Variants in PCNX1 observed in about 807,000 individuals in gnomAD.
PCNX1 encodes the protein pecanex 1.
In PCNX1, 78 loss-of-function variants were observed where a neutral mutation model predicts 242.2. That is an observed-to-expected ratio of 0.32 (90% CI 0.27 to 0.39). The LOEUF (loss-of-function observed/expected upper bound fraction) is 0.39, where lower values mean the gene tolerates loss of function less well. PCNX1 is among the 10% of genes least tolerant of loss of function. The probability of loss-of-function intolerance (pLI) is 1.00; values close to 1 mark genes in which losing one functional copy is unlikely to be tolerated. For missense variants in PCNX1, 2,581 were observed against 2,856.5 expected (o/e 0.90, Z 2.20); for synonymous variants, 1,024 against 1,032.9 (o/e 0.99, Z 0.17).
intron 20 of PCNX1, among the ~76,000 whole-genome samples, chr14:71,046,371 A>G (rs1189957719): frequency 6.6e-6 from 1 of 152,062 alleles, no homozygotes; most frequent in Non-Finnish European, 1.5e-5. Context: ...GAATCAGCAT[A>G]TCATTTTGAC....
chr14:70,952,530 T>C (rs1275044372), intron 2 of PCNX1, among the ~76,000 whole-genome samples: 3 of 152,218 alleles, frequency 2.0e-5, no homozygotes, highest in Non-Finnish European at 4.4e-5. Context: ...TATTTTTGTC[T>C]GCTTTAGGAC....
chr14:71,034,174 T>C (rs2060467966), intron 18 of PCNX1, 138 bp downstream of exon 18: 2 of 565,654 alleles, frequency 3.5e-6, no homozygotes, highest in Non-Finnish European at 6.3e-6. Flanking sequence ...AGTTGTACAT[T>C]GTTGATTGTC....
At position 70,910,568 on chromosome 14, in the gene PCNX1, G is replaced by T. The variant is rs371731840; in HGVS notation, c.153+2565G>T. Reference sequence around the variant, plus strand: ...TACCTGTGTGGCTGCTCCACTTTTTGCAGGTTCTCATATACGTGAGGCTTT... The same window carrying T: ...TACCTGTGTGGCTGCTCCACTTTTTTCAGGTTCTCATATACGTGAGGCTTT... On this transcript the variant is annotated intron_variant, in intron 1 of 35. Coordinates refer to ENST00000304743, the MANE Select transcript of PCNX1 (RefSeq NM_014982.3). Among the ~76,000 whole-genome samples, 538 of 152,190 alleles carry T rather than the reference G, an allele frequency of 3.5e-3. 1 individual carries two copies. The highest frequency in any genetic ancestry group is 0.013 in the African/African-American group (522 of 41,520).
chr14:70,956,503 G>C (rs570471180), intron 2 of PCNX1, among the ~76,000 whole-genome samples: 30 of 152,244 alleles, frequency 2.0e-4, no homozygotes, highest in Admixed American at 4.6e-4. Context: ...AGGCTGCAGT[G>C]AGCTATGATT....
At chr14:71,010,638 ATC>A (rs2059797740) in intron 9 of PCNX1, among the ~76,000 whole-genome samples, 1 of 151,984 alleles carries the variant, frequency 6.6e-6, no homozygotes, top group East Asian at 1.9e-4. Context: ...TAAAATTTTG[ATC>A]TTATTGCTTA....
intron 1 of PCNX1, among the ~76,000 whole-genome samples, chr14:70,910,502 G>T (rs1002572531): frequency 2.0e-5 from 3 of 151,756 alleles, no homozygotes; most frequent in Non-Finnish European, 4.4e-5. Context: ...GCGCCTTTGT[G>T]CTTGCTTTTC....
chr14:71,079,725 T>G (rs563522094), intron 28 of PCNX1, among the ~76,000 whole-genome samples: 1 of 150,096 alleles, frequency 6.7e-6, no homozygotes, highest in Non-Finnish European at 1.5e-5. Context: ...TTGGATCGGG[T>G]TTTTTTTTCT....
At chr14:70,971,981 T>C (rs1336412804) in intron 5 of PCNX1, among the ~76,000 whole-genome samples, 1 of 152,208 alleles carries the variant, frequency 6.6e-6, no homozygotes, top group Non-Finnish European at 1.5e-5. Context: ...GTGGAATCAC[T>C]CCGGCTCCTA....
intron 26 of PCNX1, among the ~76,000 whole-genome samples, chr14:71,065,243 A>G (rs2061418907): frequency 6.6e-6 from 1 of 152,202 alleles, no homozygotes; most frequent in African/African-American, 2.4e-5. Context: ...CAACAGTGTA[A>G]AAGCATTCTG....
intron 12 of PCNX1, among the ~76,000 whole-genome samples, chr14:71,022,806 T>A (rs891974940): frequency 2.0e-5 from 3 of 152,150 alleles, no homozygotes; most frequent in Non-Finnish European, 4.4e-5. Context: ...AGTGAACCCC[T>A]ATTATTGTAT....
intron 20 of PCNX1, among the ~76,000 whole-genome samples, chr14:71,046,729 CTG>C (rs747418860): frequency 6.6e-6 from 1 of 152,044 alleles, no homozygotes; most frequent in Non-Finnish European, 1.5e-5. Flanking sequence ...TGGTTAAAAA[CTG>C]AGGTTTCAAG....
chr14:70,942,631 A>G lies in PCNX1; in HGVS notation c.154-4284A>G, dbSNP rs377733640. ...ACAAAGGATACAAATGAAAAGTTGC[A>G]TGAGGCAAGGCATGTGGGAAGGGCC... On this transcript the variant is annotated intron_variant, in intron 1 of 35. Transcript: ENST00000304743. Among the ~76,000 whole-genome samples, 6 of 152,330 alleles carry G rather than the reference A, an allele frequency of 3.9e-5. No individual in the cohort carries two copies. In the East Asian group the frequency reaches 7.7e-4, roughly 20 times the overall value.
chr14:71,071,518 A>C (rs900654811), intron 26 of PCNX1, among the ~76,000 whole-genome samples: 1 of 152,072 alleles, frequency 6.6e-6, no homozygotes, highest in Non-Finnish European at 1.5e-5. Context: ...GTGAGTCCTC[A>C]TGTGATCTGG....
chr14:71,106,871 TC>T (rs2062638418), intron 33 of PCNX1, among the ~76,000 whole-genome samples: 1 of 152,232 alleles, frequency 6.6e-6, no homozygotes, highest in African/African-American at 2.4e-5. Context: ...AAATATCTTT[TC>T]CCATTCTGTC....
chr14:70,994,661 A>G (rs1033535227), intron 7 of PCNX1, among the ~76,000 whole-genome samples: 1 of 151,526 alleles, frequency 6.6e-6, no homozygotes, highest in Non-Finnish European at 1.5e-5. Context: ...GTTAAAGGTA[A>G]ACTTCAATCG....
rs2062751428 is a variant in PCNX1, at chr14:71,111,380, CT to C, written c.*1447del. On this transcript the variant is annotated 3_prime_UTR_variant, in exon 36 of 36. Transcript: ENST00000304743. ...TTTAGGAGCAGCCATCTTTCTACCC[CT>C]TGTGAATAAATCATTGAAAGAAACA... 6.6e-6 allele frequency: 1 copy of C among 152,540 alleles called. No homozygotes were observed. Among genetic ancestry groups the C allele is most frequent in the Non-Finnish European group, 1.5e-5 (1 of 68,008 alleles). The allele number at this position is 152,540 out of a possible 1,614,324, so 9.4% of individuals were successfully genotyped here.
intron 11 of PCNX1, among the ~76,000 whole-genome samples, chr14:71,018,532 G>A: frequency 6.6e-6 from 1 of 152,164 alleles, no homozygotes; most frequent in East Asian, 1.9e-4. Flanking sequence ...ATGACTGAGA[G>A]ATGGGGGAAG....
chr14:71,091,719 A>G (rs1392241039), intron 30 of PCNX1, among the ~76,000 whole-genome samples: 1 of 152,246 alleles, frequency 6.6e-6, no homozygotes, highest in Non-Finnish European at 1.5e-5. Flanking sequence ...ATACATGGCA[A>G]CATCTGCAGT....
At chr14:70,927,298 T>G (rs1415622346) in intron 1 of PCNX1, among the ~76,000 whole-genome samples, 1 of 152,226 alleles carries the variant, frequency 6.6e-6, no homozygotes, top group African/African-American at 2.4e-5. Context: ...ATGGTGGTAG[T>G]AGGATATGCT....
Sources: allele counts gnomAD v4.1 joint callset (sites outside exome capture counted in the v4.1 genomes callset), GRCh38; gene constraint gnomAD v4.1.1; transcripts MANE v1.5; gene names NCBI Gene and HGNC (gene_info 2026-07-23, HGNC 2026-07-21).